Variants in MED6 observed in about 807,000 individuals in gnomAD.
MED6 encodes the protein mediator of RNA polymerase II transcription subunit 6.
Under a neutral mutation model 37.5 loss-of-function variants are expected in MED6, and 33 were observed. That is an observed-to-expected ratio of 0.88 (90% CI 0.67 to 1.18). The LOEUF is 1.18. Ranked by LOEUF, MED6 falls within the 50% of genes most tolerant of loss-of-function variation. The pLI, the probability that MED6 is intolerant of heterozygous loss-of-function variation, is 0.00. For synonymous variants in MED6, 94 were observed against 93.6 expected (o/e 1.00, Z -0.02); for missense variants, 235 against 290.6 (o/e 0.81, Z 1.39).
intron 1 of MED6, among the ~76,000 whole-genome samples, chr14:70,599,652 AAC>A (rs1420831945): frequency 7.9e-5 from 12 of 152,256 alleles, no homozygotes. Flanking sequence ...TAACACACCA[AAC>A]ACACTCTTAT....
chr14:70,593,759 T>C (rs1360308021), intron 3 of MED6, among the ~76,000 whole-genome samples: 1 of 152,164 alleles, frequency 6.6e-6, no homozygotes, highest in Non-Finnish European at 1.5e-5. Flanking sequence ...TTCTAACGAG[T>C]TCCCAAAAGA....
At chr14:70,595,053 G>C in intron 3 of MED6, 2 of 556,312 alleles carry the variant, frequency 3.6e-6, no homozygotes, top group Non-Finnish European at 7.2e-6. Context: ...ATAGAGTCAA[G>C]TATGAGACAG....
intron 6 of MED6, among the ~76,000 whole-genome samples, chr14:70,590,360 T>C (rs1483950711): frequency 6.6e-6 from 1 of 152,196 alleles, no homozygotes; most frequent in Non-Finnish European, 1.5e-5. Flanking sequence ...TCAAGTGCAG[T>C]TGATGAGATT....
chr14:70,594,307 C>A (rs1884975460), intron 3 of MED6, among the ~76,000 whole-genome samples: 1 of 152,196 alleles, frequency 6.6e-6, no homozygotes, highest in Non-Finnish European at 1.5e-5. Flanking sequence ...AAAACCAAAT[C>A]TGGACTCTAC....
chr14:70,587,246 A>G (rs985056336), intron 6 of MED6, among the ~76,000 whole-genome samples: 2 of 151,922 alleles, frequency 1.3e-5, no homozygotes, highest in Admixed American at 1.3e-4. Context: ...ATTCTTCCAG[A>G]CTCTGCTGTG....
chr14:70,592,066 C>T (rs1884887454), intron 5 of MED6, among the ~76,000 whole-genome samples: 1 of 152,220 alleles, frequency 6.6e-6, no homozygotes, highest in African/African-American at 2.4e-5. Flanking sequence ...TTTCCTTCAT[C>T]AAATGTTCCT....
intron 6 of MED6, among the ~76,000 whole-genome samples, chr14:70,589,162 T>C (rs1035828307): frequency 6.6e-6 from 1 of 152,216 alleles, no homozygotes; most frequent in Non-Finnish European, 1.5e-5. Flanking sequence ...TAGTTAATAA[T>C]ACCTAGTCTA....
chr14:70,594,482 GA>G (rs906505562), intron 3 of MED6: 145 of 305,430 alleles, frequency 4.7e-4, no homozygotes, highest in South Asian at 8.0e-4. Context: ...GGACTGATGT[GA>G]AAAAAAAAGT....
chr14:70,586,888 G>C (rs1566673787), intron 6 of MED6, among the ~76,000 whole-genome samples: 1 of 152,218 alleles, frequency 6.6e-6, no homozygotes, highest in Admixed American at 6.5e-5. Flanking sequence ...AGAAAGGCCT[G>C]CTTGCAAGGT....
intron 5 of MED6, 49 bp from the exon 6 acceptor site, chr14:70,591,430 G>A: frequency 7.0e-7 from 1 of 1,425,398 alleles, no homozygotes; most frequent in Non-Finnish European, 9.7e-7. Context: ...TTAGTTTGGT[G>A]TCTCATATTT....
intron 5 of MED6, 120 bp from the exon 6 acceptor site, chr14:70,591,501 C>T (rs1884869463): frequency 5.5e-6 from 4 of 728,502 alleles, no homozygotes; most frequent in Non-Finnish European, 9.1e-6. Context: ...GCTGCTATAC[C>T]AAAGATAATT....
chr14:70,598,570 C>A (rs987662766), intron 1 of MED6, among the ~76,000 whole-genome samples: 1 of 151,776 alleles, frequency 6.6e-6, no homozygotes. Context: ...GGTTTTAGCA[C>A]GGTATGTTAA....
chr14:70,596,041 T>C (rs994777732), intron 3 of MED6, among the ~76,000 whole-genome samples: 4 of 152,216 alleles, frequency 2.6e-5, no homozygotes, highest in Admixed American at 1.3e-4. Context: ...GGTATCCAAG[T>C]ATACAACTAG....
In MED6 at chr14:70,592,952, C is replaced by T. The variant is rs1388998798; in HGVS notation, c.394G>A (p.Glu132Lys). 6.2e-7 allele frequency: 1 copy of T among 1,613,752 alleles called. No individual in the cohort carries two copies. The highest frequency in any genetic ancestry group is 1.7e-5 in the Admixed American group (1 of 60,006). The part of the protein sequence containing the change: ...AVHGIQSAFD[E>K]AMSYCRYHPS... ...TGATATCGACAGTATGACATAGCTTCATCAAAAGCTGACTGAATACCATGC... is the reference window on the plus strand; with the variant it reads ...TGATATCGACAGTATGACATAGCTTTATCAAAAGCTGACTGAATACCATGC... The change falls in exon 5 of 8, where the codon GAA (glutamate) becomes AAA (lysine). Residue 132 changes from glutamate (E) to lysine (K), a missense_variant. Physicochemically the swap from Glu to Lys is moderately conservative, Grantham distance 56. Coordinates refer to ENST00000256379, the MANE Select transcript of MED6 (RefSeq NM_005466.4).
chr14:70,596,650 AAAG>A lies in MED6; in HGVS notation c.232_234del (p.Leu78del). On this transcript the variant is annotated inframe_deletion, in exon 3 of 8. Coordinates refer to ENST00000256379, the MANE Select transcript of MED6 (RefSeq NM_005466.4). ...TGCCGCTGTTGCTTCCGAATGATGA[AAAG>A]AATGGGCTCTTGAGCATGCAAAAGG... 1.9e-6 allele frequency: 3 copies of A among 1,613,988 alleles called. No homozygotes were observed. Among genetic ancestry groups the A allele is most frequent in the Non-Finnish European group, 1.7e-6 (2 of 1,179,884 alleles).
intron 6 of MED6, among the ~76,000 whole-genome samples, chr14:70,586,864 A>AGGCTGCTATACTTAGAAAGGCCTGC (rs1166456340): frequency 6.6e-6 from 1 of 152,230 alleles, no homozygotes; most frequent in East Asian, 1.9e-4. Context: ...AGAAGGCCTG[A>AGGCTGCTATACTTAGAAAGGCCTGC]GGCTGCTATA....
At position 70,596,486 on chromosome 14, in the gene MED6, T is replaced by C. The variant is rs1031382159; in HGVS notation, c.274+125A>G. Reference sequence around the variant, plus strand: ...TCTGGTGAGTCCTCCAGCATAGTACTGAACATGTATGTGGTCTTGGAGACC... The same window carrying C: ...TCTGGTGAGTCCTCCAGCATAGTACCGAACATGTATGTGGTCTTGGAGACC... On this transcript the variant is annotated intron_variant, in intron 3 of 7. Transcript: ENST00000256379. 1.9e-4 allele frequency: 122 copies of C among 658,940 alleles called. 2 individuals are homozygous for C. Among genetic ancestry groups the C allele is most frequent in the Middle Eastern group, 6.5e-4 (2 of 3,074 alleles). 40.8% of individuals were successfully genotyped at this position (658,940 alleles called of 1,614,324 possible). A position where few individuals can be genotyped will look rare whatever the true frequency, so the allele number is the denominator to read the frequency against.
chr14:70,587,339 T>C (rs1884739775), intron 6 of MED6, among the ~76,000 whole-genome samples: 1 of 152,252 alleles, frequency 6.6e-6, no homozygotes, highest in South Asian at 2.1e-4. Context: ...ACATGCTGAG[T>C]CCTCTGAGTC....
At chr14:70,593,215 A>G in intron 4 of MED6, 81 bp downstream of exon 4, 1 of 1,329,456 alleles carries the variant, frequency 7.5e-7, no homozygotes, top group South Asian at 1.2e-5. Flanking sequence ...CACAAGGCAG[A>G]GGAGCTCTAG....
Sources: allele counts gnomAD v4.1 joint callset (sites outside exome capture counted in the v4.1 genomes callset), GRCh38; gene constraint gnomAD v4.1.1; transcripts MANE v1.5; gene names NCBI Gene and HGNC (gene_info 2026-07-23, HGNC 2026-07-21).